MADD: variants seen among roughly 807,000 people sequenced by gnomAD.
The protein encoded by MADD is MAP kinase activating death domain.
In MADD, 109 loss-of-function variants were observed where a neutral mutation model predicts 176.7. That is an observed-to-expected ratio of 0.62 (90% CI 0.53 to 0.72). The LOEUF is 0.72. Ranked by LOEUF, MADD falls within the 30% of genes least tolerant of loss-of-function variation. The probability of loss-of-function intolerance (pLI) is 0.00; values close to 1 mark genes in which losing one functional copy is unlikely to be tolerated. For synonymous variants in MADD, 771 were observed against 771.3 expected (o/e 1.00, Z 0.01); for missense variants, 1,914 against 2,045.5 (o/e 0.94, Z 1.24).
chr11:47,282,600 T>C, exon 9 of MADD: 2 of 1,614,206 alleles, frequency 1.2e-6, no homozygotes, highest in Middle Eastern at 1.6e-4. Context: ...ACTATGCCTT[T>C]CAGCGAATTC....
intron 22 of MADD, among the ~76,000 whole-genome samples, chr11:47,305,666 G>A (rs1375688): frequency 0.39 from 59,371 of 151,926 alleles, 12,459 homozygotes; most frequent in East Asian, 0.69. Context: ...ATACCCCAGC[G>A]TGGCAGAGCA....
chr11:47,315,844 T>A (rs1163320211), intron 27 of MADD, among the ~76,000 whole-genome samples: 2 of 150,774 alleles, frequency 1.3e-5, no homozygotes, highest in Non-Finnish European at 3.0e-5. Context: ...TTTTTTTTTT[T>A]TTTTTGAGAC....
At chr11:47,327,727 C>G (rs540288468) in intron 31 of MADD, 2 of 985,336 alleles carry the variant, frequency 2.0e-6, no homozygotes, top group African/African-American at 1.7e-5. Context: ...AGTTTATTCC[C>G]TGCTGACCCT....
exon 13 of MADD, chr11:47,285,041 G>C: frequency 3.7e-6 from 6 of 1,614,164 alleles, no homozygotes; most frequent in Non-Finnish European, 5.1e-6. Flanking sequence ...AACGTGGACA[G>C]ACGTCAGGCA....
chr11:47,304,198 A>C (rs1291772625), intron 22 of MADD, among the ~76,000 whole-genome samples: 1 of 150,644 alleles, frequency 6.6e-6, no homozygotes, highest in Non-Finnish European at 1.5e-5. Flanking sequence ...CTGCTTGATC[A>C]AGTCTGCTGT....
Position 47,273,756 on chromosome 11 carries a change from G to A in MADD, c.-88-71G>A, listed in dbSNP as rs867521815. The A allele has an allele frequency of 2.0e-5, 12 of 597,716 alleles. No homozygotes were observed. Among genetic ancestry groups the A allele is most frequent in the Non-Finnish European group, 2.7e-5 (9 of 330,664 alleles). 37.0% of individuals were successfully genotyped at this position (597,716 alleles called of 1,614,324 possible). On this transcript the variant is annotated intron_variant, in intron 1 of 32. Transcript: ENST00000402192. ...GACCTTCTGACCTCTGCCTCTGGCC[G>A]GGAAGAAGTTGAGAGGGATGAGTCC...
At chr11:47,302,125 T>C (rs1035226570) in intron 22 of MADD, among the ~76,000 whole-genome samples, 2 of 152,238 alleles carry the variant, frequency 1.3e-5, no homozygotes, top group Non-Finnish European at 2.9e-5. Flanking sequence ...ACTTGCTTTA[T>C]ATAGCTGTTC....
chr11:47,274,718 A>T (rs149214765), exon 3 of MADD: 3 of 1,614,138 alleles, frequency 1.9e-6, no homozygotes, highest in Admixed American at 1.7e-5. Context: ...AGCCTTCGGG[A>T]TGATACCTCT....
chr11:47,328,778 G>A, intron 32 of MADD, 74 bp downstream of exon 36: 13 of 1,595,208 alleles, frequency 8.1e-6, no homozygotes, highest in Non-Finnish European at 6.9e-6. Flanking sequence ...AGGAGGAGGG[G>A]AGGGCCCTCT....
chr11:47,292,532 A>C lies in MADD; in HGVS notation c.3302-1351A>C. The C allele has an allele frequency of 6.2e-7, 1 of 1,613,608 alleles. No individual in the cohort carries two copies. Reference sequence around the variant, plus strand: ...TGTCTTTCTCTCCTGCTTGCATTGCATCTGGGGTAGAATTGTGGAACAAGC... The same window carrying C: ...TGTCTTTCTCTCCTGCTTGCATTGCCTCTGGGGTAGAATTGTGGAACAAGC... On this transcript the variant is annotated intron_variant, in intron 19 of 32. Coordinates refer to ENST00000402192, the Ensembl canonical transcript of MADD.
chr11:47,312,167 C>T (rs2089917618), intron 26 of MADD, among the ~76,000 whole-genome samples: 1 of 152,166 alleles, frequency 6.6e-6, no homozygotes, highest in Non-Finnish European at 1.5e-5. Flanking sequence ...GCACTGTAAC[C>T]CAAGTGAAGA....
At chr11:47,277,837 A>T (rs2084542) in intron 5 of MADD, among the ~76,000 whole-genome samples, 360 of 152,294 alleles carry the variant, frequency 2.4e-3, no homozygotes, top group Non-Finnish European at 3.9e-3. Context: ...ATTGTCCTGC[A>T]CTTCAGATAT....
intron 27 of MADD, among the ~76,000 whole-genome samples, chr11:47,321,433 G>T (rs1234682552): frequency 5.3e-5 from 8 of 152,190 alleles, no homozygotes; most frequent in Non-Finnish European, 1.0e-4. Context: ...CCTAATATTT[G>T]TGGAGCACGT....
chr11:47,308,310 T>C (rs1052330327), intron 22 of MADD, among the ~76,000 whole-genome samples: 1 of 152,248 alleles, frequency 6.6e-6, no homozygotes, highest in Non-Finnish European at 1.5e-5. Flanking sequence ...GTTATGTTGC[T>C]ACACAGAGAA....
At chr11:47,307,275 A>G (rs1414075521) in intron 22 of MADD, among the ~76,000 whole-genome samples, 4 of 152,174 alleles carry the variant, frequency 2.6e-5, no homozygotes, top group African/African-American at 9.7e-5. Flanking sequence ...TTCCAAATGT[A>G]TTAAAATAGG....
rs769479412 is a variant in MADD at position 47,290,604 on chromosome 11, C to T, written c.3095-6C>T. ...TTCTCTTGACCTCTTGATATTTTTCCCTCAGAACCAGACAAGCGGAAGAGA... is the reference window on the plus strand; with the variant it reads ...TTCTCTTGACCTCTTGATATTTTTCTCTCAGAACCAGACAAGCGGAAGAGA... On this transcript the variant is annotated splice_region_variant and splice_polypyrimidine_tract_variant and intron_variant, in intron 18 of 32. Coordinates refer to ENST00000402192, the Ensembl canonical transcript of MADD. 2 of 1,610,480 alleles carry T rather than the reference C, an allele frequency of 1.2e-6. No individual in the cohort carries two copies. Among genetic ancestry groups the T allele is most frequent in the Admixed American group, 1.7e-5 (1 of 59,492 alleles).
At chr11:47,278,121 A>G (rs1297932302) in intron 5 of MADD, 44 bp from the exon 6 acceptor site, 1 of 1,297,032 alleles carries the variant, frequency 7.7e-7, no homozygotes, top group Non-Finnish European at 1.1e-6. Flanking sequence ...AGTGCTCATG[A>G]TAGGTTTTGT....
At chr11:47,328,484 T>A in intron 31 of MADD, 174 bp from the exon 36 acceptor site, 3 of 1,477,594 alleles carry the variant, frequency 2.0e-6, no homozygotes, top group Non-Finnish European at 2.7e-6. Context: ...TGGCAGAGTC[T>A]GGACAGAGCC....
intron 6 of MADD, 79 bp from the exon 7 acceptor site, chr11:47,278,920 C>T (rs1231604097): frequency 3.4e-6 from 4 of 1,175,190 alleles, no homozygotes; most frequent in African/African-American, 1.5e-5. Context: ...TATATACGTC[C>T]TCTTATTTTT....
Sources: gnomAD v4.1 joint callset for allele counts (sites outside exome capture counted in the v4.1 genomes callset) on GRCh38, gnomAD v4.1.1 for gene constraint, MANE v1.5 for transcripts, NCBI Gene and HGNC (gene_info 2026-07-23, HGNC 2026-07-21) for gene names.